HERC5: variants seen among roughly 807,000 people sequenced by gnomAD.
HERC5 encodes HECT and RLD domain containing E3 ubiquitin protein ligase 5, also known as E3 ISG15--protein ligase HERC5.
Under a neutral mutation model 119.6 loss-of-function variants are expected in HERC5, and 99 were observed. The observed-to-expected ratio is 0.83, with a 90% confidence interval of 0.70 to 0.98. HERC5 has a LOEUF of 0.98. Among genes scored for constraint, HERC5 ranks in the 50% least tolerant of loss-of-function variants. The pLI is 0.00. For missense variants in HERC5, 1,267 were observed against 1,241.3 expected, an observed-to-expected ratio of 1.02 and a Z score of -0.31; for synonymous variants, 478 against 445.9, an observed-to-expected ratio of 1.07 and a Z score of -0.91.
chr4:88,458,928 T>C (rs554485939), intron 1 of HERC5, among the ~76,000 whole-genome samples: 30 of 152,318 alleles, frequency 2.0e-4, no homozygotes, highest in Admixed American at 1.6e-3. Context: ...ATTACTGTTA[T>C]TTGCTTTTTG....
chr4:88,473,226 A>G (rs1162542249), intron 11 of HERC5: 1 of 151,640 alleles, frequency 6.6e-6, no homozygotes, highest in Non-Finnish European at 1.5e-5. Context: ...ATATGGGGAT[A>G]CTACTTTCTG....
At chr4:88,501,009 TG>T in intron 20 of HERC5, 24 bp downstream of exon 20, 1 of 1,523,642 alleles carries the variant, frequency 6.6e-7, no homozygotes, top group Non-Finnish European at 9.1e-7. Context: ...ATGAAATAGT[TG>T]GTTTGTATAT....
Position 88,457,462 on chromosome 4 carries a change from G to T in HERC5, c.193G>T (p.Val65Phe), listed in dbSNP as rs1578459465. The T allele has an allele frequency of 3.7e-6, 5 of 1,334,338 alleles. No homozygotes were observed. In the East Asian group the frequency reaches 1.4e-4, roughly 38 times the overall value. The allele number at this position is 1,334,338 out of a possible 1,614,324, so 82.7% of individuals were successfully genotyped here. A position where few individuals can be genotyped will look rare whatever the true frequency, so the allele number is the denominator to read the frequency against. ...CTGCTGCTCGCCGGGGCGCCTCGCG[G>T]TCTTGGAACGCGGCGGGGCGGGCGT... ...QLCCSPGRLA[V>F]LERGGAGVQV... The change falls in exon 1 of 23, where the codon GTC becomes TTC. Residue 65 changes from valine (V) to phenylalanine (F), a missense_variant. By Grantham distance (50) the Val-to-Phe change is conservative. Around this residue, in one of 3 missense-constraint regions of HERC5, gnomAD observed 777 missense variants for 758.0 expected, o/e 1.03. Coordinates refer to ENST00000264350, the MANE Select transcript of HERC5 (RefSeq NM_016323.4).
In HERC5 at chr4:88,487,137, G is replaced by A. The variant is rs182842130; in HGVS notation, c.1920G>A (p.Ser640=). 1.5e-4 allele frequency: 246 copies of A among 1,608,206 alleles called. 4 individuals carry two copies. In the South Asian group the frequency reaches 1.6e-3, roughly 11 times the overall value. ...SHFPFIFNNL[S]KIKLLHTDTL... The stretch of plus-strand genomic sequence containing the variant: ...TTCCATTTATCTTTAATAATCTGTC[G>A]AAAATTAAACTACTACATACAGACA... The change falls in exon 15 of 23, where the codon TCG becomes TCA. Residue 640 remains serine (S), a synonymous_variant. Transcript: ENST00000264350.
At chr4:88,480,028 T>C (rs1207792311) in intron 13 of HERC5, among the ~76,000 whole-genome samples, 11 of 147,748 alleles carry the variant, frequency 7.4e-5, no homozygotes, top group South Asian at 2.1e-4. Context: ...GATCGCGCCA[T>C]TGCACTCCAG....
At chr4:88,505,510 T>G (rs979653022) in intron 22 of HERC5, among the ~76,000 whole-genome samples, 163 bp from the exon 23 acceptor site, 1 of 152,254 alleles carries the variant, frequency 6.6e-6, no homozygotes, top group Admixed American at 6.5e-5. Flanking sequence ...GGACAGTGAC[T>G]ATGTGTCAGA....
Position 88,489,277 on chromosome 4 carries a change from G to C in HERC5, c.2074G>C (p.Glu692Gln). ...AACAGTCAGAAGGAATCACTTGATT[G>C]AGGATGTTTTGAATCAGCTAAGTCA... ...DLTVRRNHLI[E>Q]DVLNQLSQFE... is the part of the protein sequence containing the mutation. The change falls in exon 16 of 23, where the codon GAG becomes CAG. Residue 692 changes from glutamate (E) to glutamine (Q), a missense_variant. Physicochemically the swap from Glu to Gln is conservative, Grantham distance 29. This residue lies in a region of HERC5 where 473 missense variants were observed against 445.7 expected (regional missense o/e 1.06). Coordinates refer to ENST00000264350, the MANE Select transcript of HERC5 (RefSeq NM_016323.4). 2 of 1,614,080 alleles carry C rather than the reference G, an allele frequency of 1.2e-6. No individual in the cohort carries two copies. The highest frequency in any genetic ancestry group is 3.3e-4 in the Middle Eastern group (2 of 6,062).
chr4:88,472,921 CTTTTTTT>C (rs775630233), intron 11 of HERC5: 5 of 128,154 alleles, frequency 3.9e-5, no homozygotes, highest in Non-Finnish European at 1.7e-5. Flanking sequence ...TGCCTGGATT[CTTTTTTT>C]TTTTTTTTTT....
At chr4:88,488,451 C>A (rs1174503572) in intron 15 of HERC5, among the ~76,000 whole-genome samples, 1 of 152,004 alleles carries the variant, frequency 6.6e-6, no homozygotes, top group Non-Finnish European at 1.5e-5. Flanking sequence ...AGGCTGGTCT[C>A]AAACTCCTGA....
chr4:88,477,990 T>C (rs1244205346), intron 12 of HERC5, among the ~76,000 whole-genome samples: 1 of 152,272 alleles, frequency 6.6e-6, no homozygotes, highest in Admixed American at 6.5e-5. Flanking sequence ...CTATTTCATC[T>C]GCACAAAGAA....
At chr4:88,486,357 A>G (rs143427466) in intron 14 of HERC5, 129 bp downstream of exon 14, 62 of 559,610 alleles carry the variant, frequency 1.1e-4, no homozygotes, top group African/African-American at 9.6e-4. Flanking sequence ...CTCAAAATCT[A>G]TGCAATTTTG....
rs977509579 is a variant in HERC5, at chr4:88,457,143, A to G, written c.-127A>G. The G allele has an allele frequency of 3.7e-5, 46 of 1,231,648 alleles. No individual in the cohort carries two copies. The African/African-American group carries it at 6.5e-4, about 18-fold the overall frequency. The allele number at this position is 1,231,648 out of a possible 1,614,324, so 76.3% of individuals were successfully genotyped here. ...CAGTAGCTGAGGCTGCGGTTCCCCG[A>G]CGCCACGCAGCTGCGCGCAGCTGGT... is the stretch of plus-strand genomic sequence containing the variant. On this transcript the variant is annotated 5_prime_UTR_variant, in exon 1 of 23. Transcript: ENST00000264350.
chr4:88,478,113 A>G (rs1741148395), intron 12 of HERC5, among the ~76,000 whole-genome samples: 1 of 152,234 alleles, frequency 6.6e-6, no homozygotes, highest in Admixed American at 6.5e-5. Flanking sequence ...ATTTTTTAAT[A>G]GAGACAGGAC....
At chr4:88,482,477 A>G (rs1328923631) in intron 13 of HERC5, among the ~76,000 whole-genome samples, 1 of 152,038 alleles carries the variant, frequency 6.6e-6, no homozygotes, top group African/African-American at 2.4e-5. Context: ...ATCTCCCACC[A>G]CAGACCCTCC....
At chr4:88,464,176 T>G (rs907454050) in intron 6 of HERC5, among the ~76,000 whole-genome samples, 191 bp downstream of exon 6, 18 of 151,090 alleles carry the variant, frequency 1.2e-4, no homozygotes, top group African/African-American at 4.4e-4. Flanking sequence ...TGATTTTTTT[T>G]TTTTTTTTTT....
At chr4:88,488,223 A>C (rs747968409) in intron 15 of HERC5, among the ~76,000 whole-genome samples, 6 of 149,874 alleles carry the variant, frequency 4.0e-5, no homozygotes, top group Non-Finnish European at 7.4e-5. Flanking sequence ...AAAAGCATAG[A>C]CTTTTTTTTT....
At chr4:88,462,572 C>T (rs983981363) in intron 4 of HERC5, among the ~76,000 whole-genome samples, 24 of 152,118 alleles carry the variant, frequency 1.6e-4, no homozygotes, top group African/African-American at 4.8e-4. Context: ...GTGTGTGAGA[C>T]GGGAAAGGGC....
At position 88,461,281 on chromosome 4, in the gene HERC5, A is replaced by G. The variant is rs570315747; in HGVS notation, c.467-854A>G. On this transcript the variant is annotated intron_variant, in intron 3 of 22. Coordinates refer to ENST00000264350, the MANE Select transcript of HERC5 (RefSeq NM_016323.4). ...TATCTACTGTGTTCGGATTATGAAG[A>G]TGAAACACACAAGCCCTGCCTTTAA... Among the ~76,000 whole-genome samples the G allele has an allele frequency of 1.3e-3, 191 of 152,334 alleles. 1 individual carries two copies. Among genetic ancestry groups the G allele is most frequent in the African/African-American group, 4.4e-3 (184 of 41,570 alleles).
rs1433179028 is a variant in HERC5 at position 88,494,163 on chromosome 4, A to T, written c.2278-2A>T. On this transcript the variant is annotated splice_acceptor_variant, in intron 17 of 22. Coordinates refer to ENST00000264350, the MANE Select transcript of HERC5 (RefSeq NM_016323.4). LOFTEE classifies it high-confidence loss of function. ...CTTTAAGATTTTTTTTTCGCTTTTC[A>T]GCCTAAATTTGAGAAGAAAAGATAC... 7 of 1,587,944 alleles carry T rather than the reference A, an allele frequency of 4.4e-6. No homozygotes were observed. Among genetic ancestry groups the T allele is most frequent in the African/African-American group, 1.4e-5 (1 of 73,024 alleles).
Sources: gnomAD v4.1 joint callset for allele counts (sites outside exome capture counted in the v4.1 genomes callset) on GRCh38, gnomAD v4.1.1 for gene constraint, gnomAD v4.1.1 regional missense constraint, MANE v1.5 for transcripts, NCBI Gene and HGNC (gene_info 2026-07-23, HGNC 2026-07-21) for gene names.